Variants in CACNA1C observed in about 807,000 individuals in gnomAD.
The protein encoded by CACNA1C is voltage-dependent L-type calcium channel subunit alpha-1C.
CACNA1C carries 30 observed loss-of-function variants against 229.0 expected under a neutral mutation model. That is an observed-to-expected ratio of 0.13 (90% CI 0.10 to 0.18). The LOEUF (loss-of-function observed/expected upper bound fraction) is 0.18, where lower values mean the gene tolerates loss of function less well. CACNA1C is among the 10% of genes least tolerant of loss of function. The pLI is 1.00. For synonymous variants in CACNA1C, 1,114 were observed against 1,132.5 expected (o/e 0.98, Z 0.33); for missense variants, 1,658 against 2,845.0 (o/e 0.58, Z 9.49).
intron 30 of CACNA1C, among the ~76,000 whole-genome samples, chr12:2,645,156 A>G (rs1278216435): frequency 6.6e-6 from 1 of 152,238 alleles, no homozygotes; most frequent in African/African-American, 2.4e-5. Flanking sequence ...TAGTGGAGAC[A>G]GTGCCATATG....
intron 3 of CACNA1C, chr12:2,222,154 AAC>A (rs1392882934): frequency 6.6e-6 from 1 of 152,248 alleles, no homozygotes; most frequent in African/African-American, 2.4e-5. Flanking sequence ...TTGAAATAAA[AAC>A]TTAAAAAAAG....
intron 4 of CACNA1C, among the ~76,000 whole-genome samples, chr12:2,454,569 C>T (rs2099404899): frequency 6.6e-6 from 1 of 152,178 alleles, no homozygotes; most frequent in South Asian, 2.1e-4. Flanking sequence ...ATCTTGCACA[C>T]CTGGAAAAAC....
intron 1 of CACNA1C, among the ~76,000 whole-genome samples, chr12:2,107,012 T>A (rs1313825235): frequency 9.2e-5 from 8 of 86,980 alleles, no homozygotes; most frequent in African/African-American, 3.0e-4. Flanking sequence ...AGCCACTGGG[T>A]GCCCACCCCG....
intron 3 of CACNA1C, among the ~76,000 whole-genome samples, chr12:2,253,751 T>G (rs1006874769): frequency 2.0e-5 from 3 of 152,216 alleles, no homozygotes; most frequent in Admixed American, 6.5e-5. Context: ...CTACATTGTT[T>G]AAGTAGCGCT....
In CACNA1C at chr12:2,695,189, G is replaced by A. The variant is rs2097829260; in HGVS notation, c.*3990G>A. On this transcript the variant is annotated 3_prime_UTR_variant, in exon 47 of 47. Transcript: ENST00000399655. ...CAGAGAGGACTGGGAGGAGAATGGA[G>A]GCAAGAAAAGGGCATATTTTGACTC... 1 of 152,242 alleles carries A rather than the reference G, an allele frequency of 6.6e-6. No individual in the cohort carries two copies. The highest frequency in any genetic ancestry group is 6.5e-5 in the Admixed American group (1 of 15,288). The allele number at this position is 152,242 out of a possible 1,614,324, so 9.4% of individuals were successfully genotyped here.
intron 7 of CACNA1C, among the ~76,000 whole-genome samples, chr12:2,500,790 C>T (rs146827682): frequency 3.3e-4 from 51 of 152,278 alleles, no homozygotes; most frequent in Non-Finnish European, 5.7e-4. Context: ...GTTCTGCACG[C>T]GCTTCAGGGT....
intron 3 of CACNA1C, among the ~76,000 whole-genome samples, chr12:2,405,732 A>G (rs1226846057): frequency 1.3e-5 from 2 of 152,142 alleles, no homozygotes; most frequent in Non-Finnish European, 2.9e-5. Context: ...TGCCTTAGGT[A>G]TTTCCTCCAC....
rs1313976469 is a variant in CACNA1C, at chr12:2,493,139, A to G, written c.917-51A>G. ...CTCTCTGACTTCTTTCTCTGCCCAC[A>G]TCTCTCCCTCCCTGCTGCTCCCGTC... On this transcript the variant is annotated intron_variant, in intron 6 of 46. Transcript: ENST00000399655. The surrounding 1 kb of genome is among the most constrained non-coding windows in gnomAD (Gnocchi z 4.6). 2.0e-6 allele frequency: 3 copies of G among 1,509,562 alleles called. No homozygotes were observed. Among genetic ancestry groups the G allele is most frequent in the Non-Finnish European group, 2.8e-6 (3 of 1,087,520 alleles). The allele number at this position is 1,509,562 out of a possible 1,614,324, so 93.5% of individuals were successfully genotyped here.
At chr12:2,120,177 T>C in intron 2 of CACNA1C, 148 bp from the exon 3 acceptor site, 1 of 657,394 alleles carries the variant, frequency 1.5e-6, no homozygotes, top group Non-Finnish European at 2.7e-6. Flanking sequence ...TAAAAAGGCA[T>C]ATGTTTCTTT....
At chr12:2,013,772 GT>G (rs1419553014) in intron 1 of CACNA1C, among the ~76,000 whole-genome samples, 1 of 152,180 alleles carries the variant, frequency 6.6e-6, no homozygotes, top group Non-Finnish European at 1.5e-5. Context: ...ATCCAGACCA[GT>G]TTTTCTTATC....
chr12:2,584,193 C>T (rs2061581896), intron 15 of CACNA1C, among the ~76,000 whole-genome samples: 1 of 152,346 alleles, frequency 6.6e-6, no homozygotes, highest in African/African-American at 2.4e-5. Flanking sequence ...AGCCAGTCAT[C>T]TCAGCAGGGA....
chr12:2,456,528 C>T (rs1400630522), intron 4 of CACNA1C, among the ~76,000 whole-genome samples: 1 of 152,208 alleles, frequency 6.6e-6, no homozygotes, highest in Admixed American at 6.5e-5. Context: ...TGCCCTGCTC[C>T]AGCCACACTG....
rs1422774941 is a variant in CACNA1C at position 2,493,428 on chromosome 12, G to A, written c.1113+42G>A. 8.0e-6 allele frequency: 12 copies of A among 1,499,072 alleles called. No individual in the cohort carries two copies. The highest frequency in any genetic ancestry group is 4.1e-5 in the African/African-American group (3 of 72,612). The allele number at this position is 1,499,072 out of a possible 1,614,324, so 92.9% of individuals were successfully genotyped here. ...GGCAGTCAGAGGGTGGGGGAACAGCGGCCGTGAACCCTTCCCTGACACCTC... is the reference window on the plus strand; with the variant it reads ...GGCAGTCAGAGGGTGGGGGAACAGCAGCCGTGAACCCTTCCCTGACACCTC... On this transcript the variant is annotated intron_variant, in intron 7 of 46. Coordinates refer to ENST00000399655, the MANE Select transcript of CACNA1C (RefSeq NM_000719.7). The surrounding 1 kb of genome is among the most constrained non-coding windows in gnomAD (Gnocchi z 4.6).
chr12:2,048,055 G>C (rs1440937543), upstream of CACNA1C, among the ~76,000 whole-genome samples: 2 of 152,234 alleles, frequency 1.3e-5, no homozygotes, highest in Non-Finnish European at 2.9e-5. Context: ...TCTAGCAGGA[G>C]CTGGAGGAGC....
At chr12:1,990,686 CTA>C (rs1409083339) in intron 1 of CACNA1C, among the ~76,000 whole-genome samples, 1 of 152,118 alleles carries the variant, frequency 6.6e-6, no homozygotes, top group African/African-American at 2.4e-5. Context: ...AGATTCTTGA[CTA>C]TACAGAATAT....
intron 3 of CACNA1C, among the ~76,000 whole-genome samples, chr12:2,153,433 G>T (rs2095394419): frequency 6.6e-6 from 1 of 152,098 alleles, no homozygotes; most frequent in Non-Finnish European, 1.5e-5. Context: ...TTTTCTTCCT[G>T]CAAAACTGAA....
chr12:1,999,847 TCAC>T (rs1225666535), intron 1 of CACNA1C, among the ~76,000 whole-genome samples: 2 of 152,242 alleles, frequency 1.3e-5, no homozygotes, highest in African/African-American at 2.4e-5. Context: ...TTTGTATAAA[TCAC>T]CACAACATAC....
At chr12:2,560,118 G>GC (rs1174508343) in intron 11 of CACNA1C, among the ~76,000 whole-genome samples, 2 of 152,174 alleles carry the variant, frequency 1.3e-5, no homozygotes, top group Non-Finnish European at 2.9e-5. Context: ...GCCACGCAAG[G>GC]CCACGTGGCC....
chr12:2,515,749 G>T (rs1418073570), intron 9 of CACNA1C, among the ~76,000 whole-genome samples: 1 of 152,156 alleles, frequency 6.6e-6, no homozygotes, highest in Non-Finnish European at 1.5e-5. Context: ...AGGGAAAGCT[G>T]CAAAAGCCAC....
Sources: gnomAD v4.1 joint callset for allele counts (sites outside exome capture counted in the v4.1 genomes callset) on GRCh38, gnomAD v4.1.1 for gene constraint, Gnocchi (gnomAD v3.1) non-coding constraint, MANE v1.5 for transcripts, NCBI Gene and HGNC (gene_info 2026-07-23, HGNC 2026-07-21) for gene names.